Variants in KCNQ2 observed in about 807,000 individuals in gnomAD.
KCNQ2 encodes the protein potassium voltage-gated channel subfamily Q member 2.
KCNQ2 carries 14 observed loss-of-function variants against 84.8 expected under a neutral mutation model. That is an observed-to-expected ratio of 0.17 (90% CI 0.11 to 0.26). The LOEUF (loss-of-function observed/expected upper bound fraction) is 0.26, where lower values mean the gene tolerates loss of function less well. Among genes scored for constraint, KCNQ2 ranks in the 10% least tolerant of loss-of-function variants. The pLI is 1.00. For synonymous variants in KCNQ2, 599 were observed against 554.1 expected (o/e 1.08, Z -1.14); for missense variants, 788 against 1,254.0 (o/e 0.63, Z 5.61).
At position 63,400,712 on chromosome 20, in the gene KCNQ2, G is replaced by A. The variant is rs557403688; in HGVS notation, c.*5932C>T. 5 of 398,618 alleles carry A rather than the reference G, an allele frequency of 1.3e-5. No individual in the cohort carries two copies. Among genetic ancestry groups the A allele is most frequent in the African/African-American group, 8.2e-5 (4 of 48,776 alleles). 24.7% of individuals were successfully genotyped at this position (398,618 alleles called of 1,614,324 possible). The stretch of plus-strand genomic sequence containing the variant: ...TGCAATGGCGTGGGGCGCGGGCATG[G>A]CGGGCACACGTGGGCCGTGTGGATC... On this transcript the variant is annotated 3_prime_UTR_variant, in exon 17 of 17. Transcript: ENST00000359125. The surrounding 1 kb of genome is among the most constrained non-coding windows in gnomAD (Gnocchi z 8.7).
At chr20:63,470,023 G>GC (rs1459694273) in intron 1 of KCNQ2, among the ~76,000 whole-genome samples, 1 of 152,274 alleles carries the variant, frequency 6.6e-6, no homozygotes, top group African/African-American at 2.4e-5. Context: ...TGTTCACAAA[G>GC]CCCTGGGTTG....
At position 63,455,117 on chromosome 20, in the gene KCNQ2, G is replaced by A. The variant is rs564363941; in HGVS notation, c.297-8280C>T. ...TGGGGGAGGATGAGGGGAGGACGGC[G>A]GGAAGACGATGGGAGGATGGGAGGA... On this transcript the variant is annotated intron_variant, in intron 1 of 16. Coordinates refer to ENST00000359125, the MANE Select transcript of KCNQ2 (RefSeq NM_172107.4). Among the ~76,000 whole-genome samples the A allele has an allele frequency of 5.3e-5, 8 of 152,278 alleles. No homozygotes were observed. In the East Asian group the frequency reaches 7.7e-4, roughly 15 times the overall value.
Position 63,400,495 on chromosome 20 carries a change from G to A in KCNQ2, c.*6149C>T, listed in dbSNP as rs1250383099. 1.5e-5 allele frequency: 6 copies of A among 397,406 alleles called. No homozygotes were observed. The highest frequency in any genetic ancestry group is 1.4e-4 in the South Asian group (1 of 7,040). The allele number at this position is 397,406 out of a possible 1,614,324, so 24.6% of individuals were successfully genotyped here. A position where few individuals can be genotyped will look rare whatever the true frequency, so the allele number is the denominator to read the frequency against. ...GCACAAAGTTGAGATTGAAGTGTGC[G>A]GGGTAACACATCCACCAAAAAAAGG... On this transcript the variant is annotated 3_prime_UTR_variant, in exon 17 of 17. Coordinates refer to ENST00000359125, the MANE Select transcript of KCNQ2 (RefSeq NM_172107.4). This position sits in a 1 kb window ranked among gnomAD's most constrained non-coding sequence, Gnocchi z 8.7.
At position 63,460,228 on chromosome 20, in the gene KCNQ2, A is replaced by T. The variant is rs529081097; in HGVS notation, c.296+11940T>A. Among the ~76,000 whole-genome samples the T allele has an allele frequency of 6.6e-6, 1 of 152,008 alleles. No homozygotes were observed. The highest frequency in any genetic ancestry group is 2.1e-4 in the South Asian group (1 of 4,812). On this transcript the variant is annotated intron_variant, in intron 1 of 16. Transcript: ENST00000359125. This position sits in a 1 kb window ranked among gnomAD's most constrained non-coding sequence, Gnocchi z 5.4. Reference sequence around the variant, plus strand: ...ACCCTGCAGGTCCCTCCCTGGCCTTACCCAAGCCCTTAGCAGCTTTGGGGA... The same window carrying T: ...ACCCTGCAGGTCCCTCCCTGGCCTTTCCCAAGCCCTTAGCAGCTTTGGGGA...
In KCNQ2 at chr20:63,433,355, G is replaced by A. The variant is rs572367144; in HGVS notation, c.1118+454C>T. 6.5e-4 allele frequency: 161 copies of A among 246,522 alleles called. 1 individual carries two copies. The highest frequency in any genetic ancestry group is 1.0e-3 in the Non-Finnish European group (131 of 128,476). 15.3% of individuals were successfully genotyped at this position (246,522 alleles called of 1,614,324 possible). A position where few individuals can be genotyped will look rare whatever the true frequency, so the allele number is the denominator to read the frequency against. On this transcript the variant is annotated intron_variant, in intron 8 of 16. Transcript: ENST00000359125. Reference sequence around the variant, plus strand: ...TGGTCTGAAAGTCTCACTGTGATCCGGGGTTACTTTCCTGCCCCCCACGCC... The same window carrying A: ...TGGTCTGAAAGTCTCACTGTGATCCAGGGTTACTTTCCTGCCCCCCACGCC...
At chr20:63,427,750 A>T (rs1474258404) in intron 10 of KCNQ2, among the ~76,000 whole-genome samples, 1 of 152,192 alleles carries the variant, frequency 6.6e-6, no homozygotes, top group Non-Finnish European at 1.5e-5. Flanking sequence ...ATCCAGGATG[A>T]TCTGAGATCG....
In KCNQ2 at chr20:63,443,415, TCAC is replaced by T. The variant is rs1568937795; in HGVS notation, c.691-887_691-885del. 4.2e-3 allele frequency among the ~76,000 whole-genome samples: 77 copies of T among 18,280 alleles called. 1 individual carries two copies. Among genetic ancestry groups the T allele is most frequent in the African/African-American group, 6.8e-3 (72 of 10,606 alleles). 12.0% of individuals were successfully genotyped at this position (18,280 alleles called of 152,430 possible). A position where few individuals can be genotyped will look rare whatever the true frequency, so the allele number is the denominator to read the frequency against. ...ACCATCACCATCACCACCATCACCATCACCACCATCATCACCATCACCATCACC... is the reference window on the plus strand; with the variant it reads ...ACCATCACCATCACCACCATCACCATCACCATCATCACCATCACCATCACC... On this transcript the variant is annotated intron_variant, in intron 4 of 16. Transcript: ENST00000359125.
chr20:63,466,920 T>G (rs949794432), intron 1 of KCNQ2, among the ~76,000 whole-genome samples: 1 of 152,252 alleles, frequency 6.6e-6, no homozygotes, highest in African/African-American at 2.4e-5. Context: ...CTGCCTGGCA[T>G]GCACACTGGA....
At chr20:63,445,578 G>C in intron 2 of KCNQ2, 1 of 215,182 alleles carries the variant, frequency 4.6e-6, no homozygotes, top group Non-Finnish European at 7.8e-6. Context: ...ACACAGCTGA[G>C]CATGAACACC....
At chr20:63,429,149 G>A (rs924343341) in intron 9 of KCNQ2, among the ~76,000 whole-genome samples, 2 of 151,692 alleles carry the variant, frequency 1.3e-5, no homozygotes, top group Admixed American at 6.6e-5. Flanking sequence ...TGGGTGGGAC[G>A]TCCCCCTCTT....
At chr20:63,433,604 T>C in intron 8 of KCNQ2, 3 of 937,796 alleles carry the variant, frequency 3.2e-6, no homozygotes, top group Non-Finnish European at 3.2e-6. Context: ...GGTGAGGAAA[T>C]GAAAGTGAAG....
Position 63,438,746 on chromosome 20 carries a change from A to T in KCNQ2, c.928-26T>A. 2 of 1,597,944 alleles carry T rather than the reference A, an allele frequency of 1.3e-6. No homozygotes were observed. The highest frequency in any genetic ancestry group is 1.7e-4 in the Middle Eastern group (1 of 6,038). On this transcript the variant is annotated intron_variant, in intron 6 of 16. Coordinates refer to ENST00000359125, the MANE Select transcript of KCNQ2 (RefSeq NM_172107.4). The surrounding 1 kb of genome is among the most constrained non-coding windows in gnomAD (Gnocchi z 5.1). Reference sequence around the variant, plus strand: ...CTGCAATTCATCAGGGTCAGGTCACACCCCAGGGACCCCCCACACCCCAAT... The same window carrying T: ...CTGCAATTCATCAGGGTCAGGTCACTCCCCAGGGACCCCCCACACCCCAAT...
Position 63,460,707 on chromosome 20 carries a change from C to G in KCNQ2, c.296+11461G>C, listed in dbSNP as rs1023366251. On this transcript the variant is annotated intron_variant, in intron 1 of 16. Coordinates refer to ENST00000359125, the MANE Select transcript of KCNQ2 (RefSeq NM_172107.4). The surrounding 1 kb of genome is among the most constrained non-coding windows in gnomAD (Gnocchi z 5.4). ...CCAGCCTTCCTGGCCAGGGTGGCCTCATCACCTAATCACATTCAGGCAGAC... is the reference window on the plus strand; with the variant it reads ...CCAGCCTTCCTGGCCAGGGTGGCCTGATCACCTAATCACATTCAGGCAGAC... Among the ~76,000 whole-genome samples, 1 of 152,242 alleles carries G rather than the reference C, an allele frequency of 6.6e-6. No homozygotes were observed. Among genetic ancestry groups the G allele is most frequent in the Non-Finnish European group, 1.5e-5 (1 of 68,038 alleles).
Position 63,425,044 on chromosome 20 carries a change from C to T in KCNQ2, c.1218-838G>A, listed in dbSNP as rs1025426460. ...TGCAGCTCCCGGTGGCCCAGGTGTC[C>T]TTGGCTTGTGGCTGCACCGCCCCGT... On this transcript the variant is annotated intron_variant, in intron 10 of 16. Coordinates refer to ENST00000359125, the MANE Select transcript of KCNQ2 (RefSeq NM_172107.4). This position sits in a 1 kb window ranked among gnomAD's most constrained non-coding sequence, Gnocchi z 5.5. Among the ~76,000 whole-genome samples, 4 of 152,116 alleles carry T rather than the reference C, an allele frequency of 2.6e-5. No individual in the cohort carries two copies. Among genetic ancestry groups the T allele is most frequent in the Admixed American group, 6.5e-5 (1 of 15,288 alleles).
At chr20:63,445,840 G>A (rs1440827875) in intron 2 of KCNQ2, among the ~76,000 whole-genome samples, 37 of 134,674 alleles carry the variant, frequency 2.7e-4, no homozygotes, top group Admixed American at 4.5e-4. Context: ...GAGCTGGGAG[G>A]CCCTGTCTGA....
chr20:63,413,341 A>T, intron 15 of KCNQ2, 109 bp downstream of exon 15: 1 of 1,311,918 alleles, frequency 7.6e-7, no homozygotes, highest in South Asian at 1.2e-5. Context: ...GGTGGGGAGG[A>T]GGCCCCGCCC....
chr20:63,423,860 A>AC (rs944275644), intron 11 of KCNQ2: 2 of 479,654 alleles, frequency 4.2e-6, no homozygotes, highest in African/African-American at 2.0e-5. Flanking sequence ...ACTAACAGAG[A>AC]CCCCCTGCCT....
chr20:63,442,937 A>G, intron 4 of KCNQ2, among the ~76,000 whole-genome samples: 1 of 111,492 alleles, frequency 9.0e-6, no homozygotes, highest in African/African-American at 3.4e-5. Context: ...CACCATCACC[A>G]CCACCATCAC....
chr20:63,444,215 G>A (rs528125847), intron 4 of KCNQ2, among the ~76,000 whole-genome samples: 1 of 152,364 alleles, frequency 6.6e-6, no homozygotes, highest in South Asian at 2.1e-4. Flanking sequence ...CTGGAACTCA[G>A]CATGTGTGGC....
Sources: allele counts gnomAD v4.1 joint callset (sites outside exome capture counted in the v4.1 genomes callset), GRCh38; gene constraint gnomAD v4.1.1; non-coding constraint Gnocchi (gnomAD v3.1); transcripts MANE v1.5; gene names NCBI Gene and HGNC (gene_info 2026-07-23, HGNC 2026-07-21).